The following MARCHF5 variants were observed in gnomAD, a reference collection of about 807,000 sequenced individuals.
MARCHF5 encodes the protein E3 ubiquitin-protein ligase MARCHF5.
MARCHF5 carries 5 observed loss-of-function variants against 36.5 expected under a neutral mutation model. That is an observed-to-expected ratio of 0.14 (90% CI 0.07 to 0.29). MARCHF5 has a LOEUF of 0.29. MARCHF5 is among the 10% of genes least tolerant of loss of function. The pLI is 1.00. For synonymous variants in MARCHF5, 103 were observed against 109.9 expected (o/e 0.94, Z 0.39); for missense variants, 179 against 336.3 (o/e 0.53, Z 3.66).
intron 1 of MARCHF5, among the ~76,000 whole-genome samples, chr10:92,295,414 A>ATTT (rs1055134691): frequency 9.3e-6 from 1 of 107,578 alleles, no homozygotes; most frequent in Non-Finnish European, 1.7e-5. Flanking sequence ...TTTATTTTTT[A>ATTT]TTTTTTTTTT....
chr10:92,347,849 A>T (rs942700862), intron 3 of MARCHF5, among the ~76,000 whole-genome samples: 8 of 152,120 alleles, frequency 5.3e-5, no homozygotes, highest in African/African-American at 1.9e-4. Context: ...TCTGGACTAT[A>T]TCCATAGCTC....
intron 2 of MARCHF5, among the ~76,000 whole-genome samples, chr10:92,335,630 A>T (rs1007505951): frequency 3.3e-5 from 5 of 152,238 alleles, no homozygotes; most frequent in Non-Finnish European, 7.3e-5. Flanking sequence ...TATCTGGTAC[A>T]TCTTTTGCCT....
intron 3 of MARCHF5, among the ~76,000 whole-genome samples, chr10:92,342,577 A>G (rs1303609938): frequency 6.6e-6 from 1 of 152,142 alleles, no homozygotes; most frequent in Non-Finnish European, 1.5e-5. Flanking sequence ...TCACTTCATC[A>G]TACCTGGATG....
intron 5 of MARCHF5, among the ~76,000 whole-genome samples, chr10:92,350,564 T>C: frequency 6.6e-6 from 1 of 152,182 alleles, no homozygotes; most frequent in East Asian, 1.9e-4. Flanking sequence ...CGAGACTGCA[T>C]CATTTGAACA....
Position 92,291,259 on chromosome 10 carries a change from G to C in MARCHF5, c.-236G>C. 9.3e-6 allele frequency: 5 copies of C among 540,528 alleles called. No individual in the cohort carries two copies. Among genetic ancestry groups the C allele is most frequent in the South Asian group, 2.3e-5 (1 of 43,104 alleles). The allele number at this position is 540,528 out of a possible 1,614,324, so 33.5% of individuals were successfully genotyped here. On this transcript the variant is annotated 5_prime_UTR_variant, in exon 1 of 6. Transcript: ENST00000358935. ...GCCGACGGACGGGAACCCGGGCCGC[G>C]ATCGCCGCCTCCCCGCCTCAGGCTC... is the stretch of plus-strand genomic sequence containing the variant.
chr10:92,303,035 T>TG (rs536795661), intron 1 of MARCHF5, among the ~76,000 whole-genome samples: 73 of 152,234 alleles, frequency 4.8e-4, no homozygotes, highest in Non-Finnish European at 9.8e-4. Context: ...AAGAAACACC[T>TG]GCAGTTTGAG....
chr10:92,315,802 C>T (rs1843202622), intron 2 of MARCHF5, among the ~76,000 whole-genome samples: 1 of 152,176 alleles, frequency 6.6e-6, no homozygotes, highest in Non-Finnish European at 1.5e-5. Flanking sequence ...ATGTAAACAA[C>T]TCACATGATG....
At chr10:92,298,970 A>AT (rs1564941980) in intron 1 of MARCHF5, among the ~76,000 whole-genome samples, 1 of 151,274 alleles carries the variant, frequency 6.6e-6, no homozygotes, top group South Asian at 2.1e-4. Context: ...TGCCCAGCTA[A>AT]TTTTTTTTAA....
At chr10:92,342,358 G>C (rs909296438) in intron 3 of MARCHF5, among the ~76,000 whole-genome samples, 3 of 151,920 alleles carry the variant, frequency 2.0e-5, no homozygotes, top group Non-Finnish European at 4.4e-5. Context: ...GTGTTGTACA[G>C]ACTGGTCTCA....
intron 1 of MARCHF5, among the ~76,000 whole-genome samples, chr10:92,300,856 C>T (rs1457639103): frequency 1.3e-5 from 2 of 150,624 alleles, no homozygotes; most frequent in Non-Finnish European, 3.0e-5. Context: ...CTTCTCCAGA[C>T]TCATGTAGCA....
At chr10:92,327,346 G>A (rs1398756549) in intron 2 of MARCHF5, among the ~76,000 whole-genome samples, 4 of 143,428 alleles carry the variant, frequency 2.8e-5, no homozygotes, top group Non-Finnish European at 6.1e-5. Context: ...TGGATAAAGA[G>A]CTTTTTAAAA....
In MARCHF5 at chr10:92,302,938, C is replaced by T. The variant is rs1183398203; in HGVS notation, c.36-8197C>T. Among the ~76,000 whole-genome samples the T allele has an allele frequency of 5.9e-5, 9 of 152,306 alleles. No homozygotes were observed. The South Asian group carries it at 1.9e-3, about 32-fold the overall frequency. On this transcript the variant is annotated intron_variant, in intron 1 of 5. Coordinates refer to ENST00000358935, the MANE Select transcript of MARCHF5 (RefSeq NM_017824.5). ...ATTCCACGCTTGCTTTCTATATTCT[C>T]ACTCTTCTATTCTGCTACATTCCAA... is the stretch of plus-strand genomic sequence containing the variant.
intron 2 of MARCHF5, among the ~76,000 whole-genome samples, chr10:92,311,623 T>TTTTA (rs925573205): frequency 1.3e-5 from 2 of 152,126 alleles, no homozygotes; most frequent in African/African-American, 4.8e-5. Flanking sequence ...AACAAAGCTC[T>TTTTA]AATAAAAAGC....
intron 2 of MARCHF5, among the ~76,000 whole-genome samples, chr10:92,327,700 C>G (rs952120284): frequency 6.6e-6 from 1 of 152,170 alleles, no homozygotes; most frequent in African/African-American, 2.4e-5. Flanking sequence ...CTAGTTATAT[C>G]TGCTGCCTTA....
rs190409618 is a variant in MARCHF5 at position 92,295,995 on chromosome 10, C to T, written c.35+4466C>T. Among the ~76,000 whole-genome samples the T allele has an allele frequency of 1.2e-3, 182 of 152,042 alleles. 7 individuals carry two copies. In the East Asian group the frequency reaches 0.032, roughly 26 times the overall value. On this transcript the variant is annotated intron_variant, in intron 1 of 5. Coordinates refer to ENST00000358935, the MANE Select transcript of MARCHF5 (RefSeq NM_017824.5). ...GGTTCGCGTGATTCTCCTGCCTTAG[C>T]TTCCGGAGTAGCTGGGATTACAGGC...
intron 2 of MARCHF5, among the ~76,000 whole-genome samples, chr10:92,327,015 C>T (rs1843369192): frequency 1.3e-5 from 2 of 151,978 alleles, no homozygotes; most frequent in Admixed American, 1.3e-4. Context: ...TTTTTCTTCT[C>T]TCTCCTTCAT....
chr10:92,301,511 G>A (rs1455779649), intron 1 of MARCHF5, among the ~76,000 whole-genome samples: 1 of 152,130 alleles, frequency 6.6e-6, no homozygotes, highest in Non-Finnish European at 1.5e-5. Context: ...TAACCTTTCT[G>A]GGCTTTTGGT....
chr10:92,351,349 G>T lies in MARCHF5; in HGVS notation c.*142G>T. 1 of 529,456 alleles carries T rather than the reference G, an allele frequency of 1.9e-6. No individual in the cohort carries two copies. The highest frequency in any genetic ancestry group is 3.3e-6 in the Non-Finnish European group (1 of 300,256). The allele number at this position is 529,456 out of a possible 1,614,324, so 32.8% of individuals were successfully genotyped here. A position where few individuals can be genotyped will look rare whatever the true frequency, so the allele number is the denominator to read the frequency against. ...TAAGAAATATAATAAAGCACTTAGG[G>T]CAGGGGAAATCATCTCGGTAATCAT... On this transcript the variant is annotated 3_prime_UTR_variant, in exon 6 of 6. Coordinates refer to ENST00000358935, the MANE Select transcript of MARCHF5 (RefSeq NM_017824.5).
rs190655180 is a variant in MARCHF5, at chr10:92,341,752, T to A, written c.369+949T>A. On this transcript the variant is annotated intron_variant, in intron 3 of 5. Transcript: ENST00000358935. ...TCCGTCATCGTTCCTTTGTTTCTGT[T>A]TCTATTTTCCCATCTATAGTTTACA... Among the ~76,000 whole-genome samples the A allele has an allele frequency of 3.2e-4, 49 of 152,006 alleles. 1 individual carries two copies. The highest frequency in any genetic ancestry group is 2.9e-5 in the Non-Finnish European group (2 of 67,974).
Sources: gnomAD v4.1 joint callset for allele counts (sites outside exome capture counted in the v4.1 genomes callset) on GRCh38, gnomAD v4.1.1 for gene constraint, MANE v1.5 for transcripts, NCBI Gene and HGNC (gene_info 2026-07-23, HGNC 2026-07-21) for gene names.